ZBTB7C: variants seen among roughly 807,000 people sequenced by gnomAD.
ZBTB7C encodes zinc finger and BTB domain-containing protein 7C.
A neutral mutation model predicts 25.7 loss-of-function variants in ZBTB7C; 8 were observed. The observed-to-expected ratio is 0.31, with a 90% CI of 0.18 to 0.56. ZBTB7C has a LOEUF of 0.56. Among genes scored for constraint, ZBTB7C ranks in the 20% least tolerant of loss-of-function variants. The pLI is 0.91. For synonymous variants in ZBTB7C, 394 were observed against 369.0 expected, an observed-to-expected ratio of 1.07 and a Z score of -0.78; for missense variants, 824 against 855.2, an observed-to-expected ratio of 0.96 and a Z score of 0.46.
intron 3 of ZBTB7C, chr18:48,149,724 C>A (rs2040611700): frequency 6.6e-6 from 1 of 152,130 alleles, no homozygotes; most frequent in African/African-American, 2.4e-5. Flanking sequence ...CTGTTTACCC[C>A]CAAGAATAGG....
intron 2 of ZBTB7C, among the ~76,000 whole-genome samples, chr18:48,201,016 A>C (rs926131009): frequency 3.3e-5 from 5 of 152,322 alleles, no homozygotes; most frequent in Admixed American, 1.3e-4. Context: ...TAACACCTGC[A>C]TGTGGGCATC....
intron 1 of ZBTB7C, among the ~76,000 whole-genome samples, chr18:48,378,173 G>A (rs1020069395): frequency 2.0e-5 from 3 of 152,164 alleles, no homozygotes; most frequent in Non-Finnish European, 2.9e-5. Context: ...AGTCTGCTTA[G>A]GAAAGTTAGA....
chr18:48,363,053 A>T (rs2047145353), intron 1 of ZBTB7C, among the ~76,000 whole-genome samples: 1 of 152,216 alleles, frequency 6.6e-6, no homozygotes, highest in African/African-American at 2.4e-5. Context: ...CATCCTCTTC[A>T]AAACAATGGG....
intron 3 of ZBTB7C, among the ~76,000 whole-genome samples, chr18:48,122,474 A>G (rs1038278693): frequency 5.9e-5 from 9 of 152,312 alleles, no homozygotes; most frequent in African/African-American, 2.2e-4. Flanking sequence ...GCCCACGTGC[A>G]AGCTCCCTGT....
chr18:48,267,672 G>A (rs1033104459), intron 2 of ZBTB7C, among the ~76,000 whole-genome samples: 7 of 152,154 alleles, frequency 4.6e-5, no homozygotes, highest in Non-Finnish European at 8.8e-5. Context: ...GTGTTAGAAG[G>A]TGGTGGAGCC....
chr18:48,301,767 GTC>G (rs1321243117), intron 2 of ZBTB7C, among the ~76,000 whole-genome samples: 1 of 152,178 alleles, frequency 6.6e-6, no homozygotes, highest in African/African-American at 2.4e-5. Flanking sequence ...TTCTTGGTGA[GTC>G]TCTACTTTTA....
intron 3 of ZBTB7C, among the ~76,000 whole-genome samples, chr18:48,118,479 AATAC>A (rs1464457845): frequency 6.6e-6 from 1 of 152,214 alleles, no homozygotes; most frequent in African/African-American, 2.4e-5. Context: ...ATGTGTTATA[AATAC>A]ATACATATGT....
intron 1 of ZBTB7C, among the ~76,000 whole-genome samples, chr18:48,361,595 G>T (rs1270440070): frequency 6.6e-6 from 1 of 152,160 alleles, no homozygotes; most frequent in African/African-American, 2.4e-5. Context: ...ATTCTGATGG[G>T]TCTTCTCTCC....
At chr18:48,224,112 T>C (rs2043027614) in intron 2 of ZBTB7C, among the ~76,000 whole-genome samples, 1 of 152,062 alleles carries the variant, frequency 6.6e-6, no homozygotes, top group Non-Finnish European at 1.5e-5. Context: ...TTCCTGTACA[T>C]AAGAAAAAAA....
intron 1 of ZBTB7C, among the ~76,000 whole-genome samples, chr18:48,365,282 G>A (rs532177025): frequency 2.1e-4 from 32 of 152,298 alleles, no homozygotes; most frequent in African/African-American, 7.5e-4. Context: ...GGGTCAAAGG[G>A]TATATACACT....
At chr18:48,179,520 G>C (rs1468700351) in intron 3 of ZBTB7C, among the ~76,000 whole-genome samples, 2 of 152,132 alleles carry the variant, frequency 1.3e-5, no homozygotes, top group Admixed American at 1.3e-4. Context: ...CCAGGAAGGA[G>C]AGAGAAAAGG....
rs573749079 is a variant in ZBTB7C, at chr18:48,260,487, G to A, written c.-78-74492C>T. On this transcript the variant is annotated intron_variant, in intron 2 of 4. Coordinates refer to ENST00000590800, the MANE Select transcript of ZBTB7C (RefSeq NM_001318841.2). ...ACCAAATTGTCCACTTTAACCATGT[G>A]CAATTTACTGTAATTCAGTTATATC... 5.9e-5 allele frequency among the ~76,000 whole-genome samples: 9 copies of A among 152,238 alleles called. 1 individual carries two copies. Among genetic ancestry groups the A allele is most frequent in the East Asian group, 5.8e-4 (3 of 5,180 alleles).
chr18:48,163,816 G>A (rs1253158083), intron 3 of ZBTB7C, among the ~76,000 whole-genome samples: 1 of 152,218 alleles, frequency 6.6e-6, no homozygotes, highest in Non-Finnish European at 1.5e-5. Context: ...AAATGGAAAT[G>A]CCTTAGCTTC....
At chr18:48,176,474 T>C (rs1385115000) in intron 3 of ZBTB7C, among the ~76,000 whole-genome samples, 2 of 152,156 alleles carry the variant, frequency 1.3e-5, no homozygotes, top group Non-Finnish European at 2.9e-5. Context: ...ATACAAAGAA[T>C]AGATTAGATT....
At chr18:48,154,332 C>A (rs1352455291) in intron 3 of ZBTB7C, among the ~76,000 whole-genome samples, 3 of 152,160 alleles carry the variant, frequency 2.0e-5, no homozygotes, top group Admixed American at 6.5e-5. Flanking sequence ...GATACCTGAG[C>A]GGGGGAGGAG....
rs1271938103 is a variant in ZBTB7C, at chr18:48,220,462, C to A, written c.-78-34467G>T. On this transcript the variant is annotated intron_variant, in intron 2 of 4. Transcript: ENST00000590800. ...CTCTAGGGAACAAATACTTATTGAG[C>A]ACCTAAGTGTCAGGCATGGTGCTGG... Among the ~76,000 whole-genome samples, 4 of 152,170 alleles carry A rather than the reference C, an allele frequency of 2.6e-5. No homozygotes were observed. In the South Asian group the frequency reaches 8.3e-4, roughly 32 times the overall value.
intron 4 of ZBTB7C, among the ~76,000 whole-genome samples, chr18:48,038,482 C>G (rs2036070259): frequency 1.6e-5 from 2 of 128,984 alleles, no homozygotes; most frequent in Non-Finnish European, 3.2e-5. Flanking sequence ...AAACTCTTCT[C>G]TGGCAACTTC....
chr18:48,278,829 C>A (rs889656639), intron 2 of ZBTB7C, among the ~76,000 whole-genome samples: 2 of 152,164 alleles, frequency 1.3e-5, no homozygotes, highest in East Asian at 1.9e-4. Context: ...ACCGAAACAC[C>A]GCCTAACTGC....
chr18:48,368,427 G>A (rs1484529649), intron 1 of ZBTB7C, among the ~76,000 whole-genome samples: 1 of 151,868 alleles, frequency 6.6e-6, no homozygotes, highest in Non-Finnish European at 1.5e-5. Context: ...ATAGACTAGG[G>A]GAAATAAAAG....
Sources: gnomAD v4.1 joint callset for allele counts (sites outside exome capture counted in the v4.1 genomes callset) on GRCh38, gnomAD v4.1.1 for gene constraint, MANE v1.5 for transcripts, NCBI Gene and HGNC (gene_info 2026-07-23, HGNC 2026-07-21) for gene names.